The following RIMS2 variants were observed in gnomAD, a reference collection of about 807,000 sequenced individuals.
The protein encoded by RIMS2 is regulating synaptic membrane exocytosis protein 2.
In RIMS2, 59 loss-of-function variants were observed where a neutral mutation model predicts 174.4. The observed-to-expected ratio is 0.34, with a 90% CI of 0.27 to 0.42. RIMS2 has a LOEUF of 0.42. RIMS2 is among the 10% of genes least tolerant of loss of function. The probability of loss-of-function intolerance (pLI) is 1.00; values close to 1 mark genes in which losing one functional copy is unlikely to be tolerated. For synonymous variants in RIMS2, 606 were observed against 572.5 expected (o/e 1.06, Z -0.84); for missense variants, 1,620 against 1,666.3 (o/e 0.97, Z 0.48).
chr8:103,613,021 T>C (rs1247002060), intron 1 of RIMS2, among the ~76,000 whole-genome samples: 2 of 152,176 alleles, frequency 1.3e-5, no homozygotes, highest in Non-Finnish European at 2.9e-5. Flanking sequence ...CAACAGAGCA[T>C]TGGGTCTTAC....
chr8:103,794,435 T>A (rs1017297327), intron 3 of RIMS2, among the ~76,000 whole-genome samples: 8 of 152,046 alleles, frequency 5.3e-5, no homozygotes, highest in Admixed American at 3.3e-4. Flanking sequence ...AATTAATTTA[T>A]GATGGATTAA....
At chr8:103,640,368 CG>C (rs1329769757) in intron 1 of RIMS2, among the ~76,000 whole-genome samples, 1 of 151,588 alleles carries the variant, frequency 6.6e-6, no homozygotes, top group Non-Finnish European at 1.5e-5. Flanking sequence ...TATTGATGCC[CG>C]GTTTTCAAGT....
chr8:103,766,374 A>G (rs371067340), exon 3 of RIMS2: 1 of 1,613,928 alleles, frequency 6.2e-7, no homozygotes, highest in African/African-American at 1.3e-5. Context: ...ACCTCAGGAG[A>G]AGAAACCAAA....
intron 1 of RIMS2, among the ~76,000 whole-genome samples, chr8:103,557,442 T>C (rs141001392): frequency 7.2e-5 from 11 of 152,326 alleles, no homozygotes; most frequent in African/African-American, 2.4e-4. Context: ...TTTCCCACTT[T>C]TAGGGAAAAA....
chr8:103,843,923 G>T (rs1350977313), intron 3 of RIMS2, among the ~76,000 whole-genome samples: 1 of 152,102 alleles, frequency 6.6e-6, no homozygotes, highest in Non-Finnish European at 1.5e-5. Flanking sequence ...ACGTGTTGTG[G>T]GAGGGACCCA....
At position 104,148,765 on chromosome 8, in the gene RIMS2, G is replaced by A. The variant is rs546620679; in HGVS notation, c.3335-96151G>A. On this transcript the variant is annotated intron_variant, in intron 19 of 23. Transcript: ENST00000504942. ...ACCTTGGGCACCAGTGGCAAAAAGCGGCGCTCTAGCCTTGGTGCCAAAATG... is the reference window on the plus strand; with the variant it reads ...ACCTTGGGCACCAGTGGCAAAAAGCAGCGCTCTAGCCTTGGTGCCAAAATG... 20 of 1,598,392 alleles carry A rather than the reference G, an allele frequency of 1.3e-5. No homozygotes were observed. The East Asian group carries it at 1.3e-4, about 11-fold the overall frequency.
intron 19 of RIMS2, among the ~76,000 whole-genome samples, chr8:104,198,598 A>C (rs2099037609): frequency 6.6e-6 from 1 of 152,218 alleles, no homozygotes; most frequent in South Asian, 2.1e-4. Flanking sequence ...CAGATTAGGA[A>C]AGGAAGAGAC....
At chr8:103,728,557 CT>C (rs2097550810) in intron 2 of RIMS2, among the ~76,000 whole-genome samples, 1 of 152,002 alleles carries the variant, frequency 6.6e-6, no homozygotes, top group Non-Finnish European at 1.5e-5. Context: ...ATGTTACTAG[CT>C]GTGGGTCTGG....
At chr8:103,546,178 A>T (rs1844993539) in intron 1 of RIMS2, among the ~76,000 whole-genome samples, 1 of 152,214 alleles carries the variant, frequency 6.6e-6, no homozygotes, top group Non-Finnish European at 1.5e-5. Flanking sequence ...AAGTAAGGGG[A>T]TGGAGAAAAA....
At chr8:104,176,129 A>G (rs1271856850) in intron 19 of RIMS2, among the ~76,000 whole-genome samples, 1 of 152,122 alleles carries the variant, frequency 6.6e-6, no homozygotes, top group Non-Finnish European at 1.5e-5. Flanking sequence ...TTATATCTGT[A>G]ATTCTAACTT....
At chr8:103,554,604 G>A (rs766822623) in intron 1 of RIMS2, among the ~76,000 whole-genome samples, 26 of 152,248 alleles carry the variant, frequency 1.7e-4, no homozygotes, top group Non-Finnish European at 3.1e-4. Context: ...AATTAGTTCC[G>A]CCATTATGGA....
chr8:104,135,769 A>G (rs977160071), intron 19 of RIMS2, among the ~76,000 whole-genome samples: 4 of 152,104 alleles, frequency 2.6e-5, no homozygotes, highest in African/African-American at 9.7e-5. Flanking sequence ...GTTTGAAATG[A>G]TGGGCTGTGG....
chr8:103,864,509 A>G (rs559602693), intron 3 of RIMS2, among the ~76,000 whole-genome samples: 2 of 151,978 alleles, frequency 1.3e-5, no homozygotes, highest in Admixed American at 6.6e-5. Flanking sequence ...TTGATTTCTA[A>G]TTTTCTTCGA....
chr8:104,153,349 G>T (rs2134192844), intron 19 of RIMS2, among the ~76,000 whole-genome samples: 1 of 152,234 alleles, frequency 6.6e-6, no homozygotes, highest in Non-Finnish European at 1.5e-5. Flanking sequence ...CAGCAGATCT[G>T]AGTCATAGTA....
chr8:103,568,766 T>G, intron 1 of RIMS2: 1 of 1,104,416 alleles, frequency 9.1e-7, no homozygotes, highest in Non-Finnish European at 1.4e-6. Context: ...GTAAGGAATC[T>G]ATCAAAACAT....
intron 1 of RIMS2, among the ~76,000 whole-genome samples, chr8:103,669,491 C>T (rs914213083): frequency 3.9e-5 from 6 of 152,196 alleles, no homozygotes; most frequent in African/African-American, 1.4e-4. Context: ...TCCAAAATCT[C>T]ATTTGAGACA....
chr8:103,727,947 T>C (rs1186079561), intron 2 of RIMS2, among the ~76,000 whole-genome samples: 1 of 132,272 alleles, frequency 7.6e-6, no homozygotes, highest in Non-Finnish European at 1.6e-5. Flanking sequence ...ATACAAATTT[T>C]AGTATTTTTT....
intron 19 of RIMS2, among the ~76,000 whole-genome samples, chr8:104,031,002 A>G (rs972483985): frequency 2.6e-5 from 4 of 152,138 alleles, no homozygotes; most frequent in Admixed American, 6.6e-5. Context: ...CTGAATATAT[A>G]TTTATTAAAT....
chr8:103,541,402 A>G (rs1842515163), intron 1 of RIMS2, among the ~76,000 whole-genome samples: 1 of 152,234 alleles, frequency 6.6e-6, no homozygotes, highest in African/African-American at 2.4e-5. Flanking sequence ...TTCAGAAATG[A>G]AGGAGAGGTA....
Sources: allele counts gnomAD v4.1 joint callset (sites outside exome capture counted in the v4.1 genomes callset), GRCh38; gene constraint gnomAD v4.1.1; transcripts MANE v1.5; gene names NCBI Gene and HGNC (gene_info 2026-07-23, HGNC 2026-07-21).